CDK6: variants seen among roughly 807,000 people sequenced by gnomAD.
CDK6 encodes the protein cyclin-dependent kinase 6.
CDK6 carries 6 observed loss-of-function variants against 37.1 expected under a neutral mutation model. That is an observed-to-expected ratio of 0.16 (90% CI 0.09 to 0.32). CDK6 has a LOEUF of 0.32. Among genes scored for constraint, CDK6 ranks in the 10% least tolerant of loss-of-function variants. The pLI is 1.00. For missense variants in CDK6, 224 were observed against 418.9 expected, an observed-to-expected ratio of 0.53 and a Z score of 4.06; for synonymous variants, 160 against 161.3, an observed-to-expected ratio of 0.99 and a Z score of 0.06.
At chr7:92,672,392 G>A (rs908369314) in intron 4 of CDK6, among the ~76,000 whole-genome samples, 2 of 151,558 alleles carry the variant, frequency 1.3e-5, no homozygotes, top group African/African-American at 4.9e-5. Flanking sequence ...CAAGTAAAAA[G>A]TGGGGAAGAA....
chr7:92,775,951 G>A (rs1315455482), intron 2 of CDK6, among the ~76,000 whole-genome samples: 2 of 151,986 alleles, frequency 1.3e-5, no homozygotes, highest in African/African-American at 2.4e-5. Context: ...TGGGATATAT[G>A]TGCAGAATGT....
In CDK6 at chr7:92,656,663, GC is replaced by G. The variant is rs546030942; in HGVS notation, c.647+14762del. Among the ~76,000 whole-genome samples, 26 of 152,308 alleles carry G rather than the reference GC, an allele frequency of 1.7e-4. No homozygotes were observed. In the South Asian group the frequency reaches 4.3e-3, roughly 25 times the overall value. On this transcript the variant is annotated intron_variant, in intron 5 of 7. Coordinates refer to ENST00000424848, the MANE Select transcript of CDK6 (RefSeq NM_001145306.2). ...GACTCAACTCAGATTGGAGGTCCAA[GC>G]CCCAGCTAGAATAATTTTGTGCAGG...
At chr7:92,805,437 T>C (rs1014018286) in intron 2 of CDK6, among the ~76,000 whole-genome samples, 1 of 152,192 alleles carries the variant, frequency 6.6e-6, no homozygotes, top group Non-Finnish European at 1.5e-5. Context: ...TCTGAAAGCA[T>C]GATTTTCCCA....
At chr7:92,623,237 GAAGGTT>G (rs1294940232) in intron 5 of CDK6, 151 bp from the exon 6 acceptor site, 41 of 614,758 alleles carry the variant, frequency 6.7e-5, no homozygotes, top group Non-Finnish European at 9.4e-5. Context: ...TTTGGTAAGT[GAAGGTT>G]TTCCCTGCAT....
chr7:92,827,997 A>G (rs941501897), intron 2 of CDK6, among the ~76,000 whole-genome samples: 1 of 152,128 alleles, frequency 6.6e-6, no homozygotes, highest in African/African-American at 2.4e-5. Context: ...AATGTGCCAG[A>G]GCCACATTAT....
chr7:92,764,570 T>A (rs1007935962), intron 3 of CDK6, among the ~76,000 whole-genome samples: 6 of 152,206 alleles, frequency 3.9e-5, no homozygotes, highest in Non-Finnish European at 8.8e-5. Flanking sequence ...TCACTTGATT[T>A]ACCGTAAGAA....
intron 2 of CDK6, among the ~76,000 whole-genome samples, chr7:92,832,295 G>A (rs965670179): frequency 2.1e-4 from 32 of 152,310 alleles, no homozygotes; most frequent in African/African-American, 6.5e-4. Flanking sequence ...AAGAACTGCT[G>A]TCTCCCCACC....
At position 92,672,190 on chromosome 7, in the gene CDK6, T is replaced by TACACACACACACAC. The variant is rs71107866; in HGVS notation, c.538-669_538-656dup. On this transcript the variant is annotated intron_variant, in intron 4 of 7. Coordinates refer to ENST00000424848, the MANE Select transcript of CDK6 (RefSeq NM_001145306.2). ...ATACACACACACACACACAGACACA[T>TACACACACACACAC]ACACACACACACACACACACACACA... Among the ~76,000 whole-genome samples, 177 of 62,750 alleles carry TACACACACACACAC rather than the reference T, an allele frequency of 2.8e-3. 9 individuals are homozygous for TACACACACACACAC. The highest frequency in any genetic ancestry group is 1.0e-2 in the African/African-American group (98 of 9,828). The allele number at this position is 62,750 out of a possible 152,430, so 41.2% of individuals were successfully genotyped here.
intron 4 of CDK6, among the ~76,000 whole-genome samples, chr7:92,722,846 T>C (rs1053244544): frequency 3.9e-5 from 6 of 152,202 alleles, no homozygotes; most frequent in Admixed American, 1.3e-4. Context: ...GAGGAACTTA[T>C]GGCCTGATAA....
At chr7:92,763,161 T>C (rs958546891) in intron 3 of CDK6, among the ~76,000 whole-genome samples, 9 of 152,198 alleles carry the variant, frequency 5.9e-5, no homozygotes, top group African/African-American at 2.2e-4. Flanking sequence ...CTAGCTTAAA[T>C]TTGCTAAAGG....
chr7:92,647,886 TAG>T (rs1796486479), intron 5 of CDK6, among the ~76,000 whole-genome samples: 2 of 152,204 alleles, frequency 1.3e-5, no homozygotes, highest in Non-Finnish European at 2.9e-5. Flanking sequence ...ATCTTGCAAG[TAG>T]AGACACTAAC....
intron 2 of CDK6, among the ~76,000 whole-genome samples, chr7:92,792,016 G>A (rs574022348): frequency 1.2e-4 from 19 of 152,158 alleles, no homozygotes; most frequent in Admixed American, 2.6e-4. Context: ...CAATGCTATG[G>A]TAGGATGTGT....
chr7:92,693,960 T>C (rs1045153618), intron 4 of CDK6, among the ~76,000 whole-genome samples: 3 of 152,224 alleles, frequency 2.0e-5, no homozygotes, highest in African/African-American at 7.2e-5. Flanking sequence ...TCATGCTCAG[T>C]GTACAAAACG....
intron 4 of CDK6, among the ~76,000 whole-genome samples, chr7:92,705,919 C>G (rs1797955484): frequency 6.6e-6 from 1 of 152,222 alleles, no homozygotes; most frequent in African/African-American, 2.4e-5. Context: ...GGGGGGCATT[C>G]CTGCATGGCT....
intron 5 of CDK6, among the ~76,000 whole-genome samples, chr7:92,655,645 T>C (rs1455343151): frequency 1.3e-5 from 2 of 152,218 alleles, no homozygotes; most frequent in Non-Finnish European, 2.9e-5. Flanking sequence ...TTTCAAAGTA[T>C]TGGATCTCCT....
chr7:92,802,285 T>G (rs933773085), intron 2 of CDK6, among the ~76,000 whole-genome samples: 9 of 152,162 alleles, frequency 5.9e-5, no homozygotes, highest in Admixed American at 2.6e-4. Flanking sequence ...TCTTACACCT[T>G]AAAAACTATC....
At chr7:92,668,162 A>G (rs904292139) in intron 5 of CDK6, among the ~76,000 whole-genome samples, 5 of 152,234 alleles carry the variant, frequency 3.3e-5, no homozygotes, top group African/African-American at 1.2e-4. Flanking sequence ...AATACTTACC[A>G]TTGTGTTACA....
chr7:92,825,154 A>G (rs1354331207), intron 2 of CDK6, among the ~76,000 whole-genome samples: 5 of 152,134 alleles, frequency 3.3e-5, no homozygotes, highest in African/African-American at 1.2e-4. Flanking sequence ...AAACATTTCA[A>G]TATGCACTTT....
chr7:92,789,719 T>C (rs894555722), intron 2 of CDK6, among the ~76,000 whole-genome samples: 5 of 152,204 alleles, frequency 3.3e-5, no homozygotes, highest in Admixed American at 2.0e-4. Flanking sequence ...AGCCTGGGAC[T>C]GTGGCAGGGA....
Sources: gnomAD v4.1 joint callset for allele counts (sites outside exome capture counted in the v4.1 genomes callset) on GRCh38, gnomAD v4.1.1 for gene constraint, MANE v1.5 for transcripts, NCBI Gene and HGNC (gene_info 2026-07-23, HGNC 2026-07-21) for gene names.